CHAMP1: variants seen among roughly 807,000 people sequenced by gnomAD.
CHAMP1 encodes chromosome alignment-maintaining phosphoprotein 1.
A neutral mutation model predicts 54.5 loss-of-function variants in CHAMP1; 4 were observed. The observed-to-expected ratio is 0.07, with a 90% CI of 0.04 to 0.17. CHAMP1 has a LOEUF of 0.17. Ranked by LOEUF, CHAMP1 falls within the 10% of genes least tolerant of loss-of-function variation. CHAMP1 has a pLI of 1.00. For synonymous variants in CHAMP1, 368 were observed against 342.2 expected (o/e 1.08, Z -0.83); for missense variants, 994 against 968.6 (o/e 1.03, Z -0.35).
Position 114,325,118 on chromosome 13 carries a change from C to G in CHAMP1, c.1276C>G (p.Leu426Val), listed in dbSNP as rs1313555784. The G allele has an allele frequency of 6.2e-7, 1 of 1,614,188 alleles. No individual in the cohort carries two copies. The highest frequency in any genetic ancestry group is 1.1e-5 in the South Asian group (1 of 91,084). Residue 426 changes from leucine (L) to valine (V), a missense_variant, in exon 3 of 3, where the codon CTA (leucine) becomes GTA (valine). By Grantham distance (32) the Leu-to-Val change is conservative. This residue lies in a region of CHAMP1 where 851 missense variants were observed against 701.3 expected (regional missense o/e 1.21). Transcript: ENST00000361283. ...SPELRKPGPPLSPEIRSPAGS... is the reference protein window; with the variant it reads ...SPELRKPGPPVSPEIRSPAGS... ...AGAGCTTCGCAAACCCGGCCCACCA[C>G]TATCCCCAGAGATCCGTAGTCCAGC... is the stretch of plus-strand genomic sequence containing the variant.
chr13:114,324,938 T>G lies in CHAMP1; in HGVS notation c.1096T>G (p.Ser366Ala). 6.2e-7 allele frequency: 1 copy of G among 1,614,144 alleles called. No homozygotes were observed. The highest frequency in any genetic ancestry group is 8.5e-7 in the Non-Finnish European group (1 of 1,180,032). The change falls in exon 3 of 3, where the codon TCT becomes GCT. Residue 366 changes from serine (S) to alanine (A), a missense_variant. Ser to Ala is a moderately conservative substitution (Grantham distance 99, BLOSUM62 1). Around this residue, in one of 3 missense-constraint regions of CHAMP1, gnomAD observed 851 missense variants for 701.3 expected, o/e 1.21. Transcript: ENST00000361283. The part of the protein sequence containing the change: ...PGPWKPTPSV[S>A]SASWKSSSVS... ...ACCTTGGAAACCAACTCCATCTGTGTCTTCTGCATCCTGGAAATCTTCATC... is the reference window on the plus strand; with the variant it reads ...ACCTTGGAAACCAACTCCATCTGTGGCTTCTGCATCCTGGAAATCTTCATC...
At chr13:114,315,973 A>G (rs1458262202) in intron 1 of CHAMP1, among the ~76,000 whole-genome samples, 1 of 151,634 alleles carries the variant, frequency 6.6e-6, no homozygotes, top group Non-Finnish European at 1.5e-5. Flanking sequence ...AGTAGCTGGC[A>G]TTACAGGCGC....
intron 1 of CHAMP1, among the ~76,000 whole-genome samples, chr13:114,316,752 A>ATT (rs201616810): frequency 1.5e-3 from 210 of 136,902 alleles, no homozygotes; most frequent in African/African-American, 4.9e-3. Context: ...AGTGCTTTGG[A>ATT]TTTTTTTTTT....
At chr13:114,318,709 T>C (rs12583676) in intron 1 of CHAMP1, among the ~76,000 whole-genome samples, 8,522 of 152,110 alleles carry the variant, frequency 0.056, 306 homozygotes, top group Middle Eastern at 0.13. Flanking sequence ...TAAACTGTGT[T>C]AAGCCACAAT....
At chr13:114,323,371 A>T (rs1555379274) in intron 2 of CHAMP1, 1 of 153,602 alleles carries the variant, frequency 6.5e-6, no homozygotes, top group Non-Finnish European at 1.4e-5. Context: ...AATAGCCAAG[A>T]TTTAATTTTG....
chr13:114,319,362 T>C (rs1203892294), intron 1 of CHAMP1, among the ~76,000 whole-genome samples: 1 of 152,164 alleles, frequency 6.6e-6, no homozygotes, highest in African/African-American at 2.4e-5. Context: ...ATTGAGAGAA[T>C]GTTAGGATTG....
At position 114,326,510 on chromosome 13, in the gene CHAMP1, C is replaced by A; in HGVS notation, c.*229C>A. 2.5e-6 allele frequency: 1 copy of A among 397,556 alleles called. No individual in the cohort carries two copies. Among genetic ancestry groups the A allele is most frequent in the Non-Finnish European group, 4.6e-6 (1 of 218,192 alleles). 24.6% of individuals were successfully genotyped at this position (397,556 alleles called of 1,614,324 possible). A position where few individuals can be genotyped will look rare whatever the true frequency, so the allele number is the denominator to read the frequency against. ...TTCTGTATAGTCCAGATGGATTAAA[C>A]TTCTCATTTCTTTTAAATATGTATG... On this transcript the variant is annotated 3_prime_UTR_variant, in exon 3 of 3. Coordinates refer to ENST00000361283, the MANE Select transcript of CHAMP1 (RefSeq NM_032436.4).
Position 114,326,360 on chromosome 13 carries a change from G to T in CHAMP1, c.*79G>T, listed in dbSNP as rs2087251288. ...TAAGTATAGCTTATCAGATAGCATA[G>T]TTGGATCAGTAGATGACATGTATGG... On this transcript the variant is annotated 3_prime_UTR_variant, in exon 3 of 3. Coordinates refer to ENST00000361283, the MANE Select transcript of CHAMP1 (RefSeq NM_032436.4). The T allele has an allele frequency of 1.1e-5, 16 of 1,449,286 alleles. No individual in the cohort carries two copies. The highest frequency in any genetic ancestry group is 1.5e-5 in the Non-Finnish European group (16 of 1,086,674). The allele number at this position is 1,449,286 out of a possible 1,614,324, so 89.8% of individuals were successfully genotyped here.
intron 1 of CHAMP1, among the ~76,000 whole-genome samples, chr13:114,316,552 T>G (rs1264351601): frequency 6.6e-6 from 1 of 151,372 alleles, no homozygotes; most frequent in Non-Finnish European, 1.5e-5. Flanking sequence ...ATTGCGCCAT[T>G]ACACTCCAGC....
chr13:114,316,460 C>G (rs181438663), intron 1 of CHAMP1, among the ~76,000 whole-genome samples: 6 of 151,530 alleles, frequency 4.0e-5, no homozygotes, highest in South Asian at 4.2e-4. Context: ...TGTGGTGGCG[C>G]GCGCCTGTAG....
At chr13:114,319,185 G>A (rs72661519) in intron 1 of CHAMP1, among the ~76,000 whole-genome samples, 5,657 of 152,130 alleles carry the variant, frequency 0.037, 128 homozygotes, top group South Asian at 0.11. Flanking sequence ...CTGATCATTT[G>A]TCTGATTTGG....
intron 1 of CHAMP1, among the ~76,000 whole-genome samples, chr13:114,318,446 C>T (rs1415002219): frequency 1.3e-5 from 2 of 151,902 alleles, no homozygotes; most frequent in East Asian, 3.9e-4. Context: ...GCCTCAGGCT[C>T]CCGAGTAGCT....
Position 114,323,834 on chromosome 13 carries a change from G to A in CHAMP1, c.-9G>A. The A allele has an allele frequency of 6.3e-7, 1 of 1,578,348 alleles. No individual in the cohort carries two copies. The highest frequency in any genetic ancestry group is 8.6e-7 in the Non-Finnish European group (1 of 1,167,104). On this transcript the variant is annotated 5_prime_UTR_variant, in exon 3 of 3. Transcript: ENST00000361283. ...AATATAACCGTGTGTGTTGGTAACA[G>A]ACAGAAGAATGGAAGCATTCCAGGA...
rs1288624401 is a variant in CHAMP1 at position 114,326,974 on chromosome 13, A to C, written c.*693A>C. 1 of 166,296 alleles carries C rather than the reference A, an allele frequency of 6.0e-6. No individual in the cohort carries two copies. The highest frequency in any genetic ancestry group is 6.6e-5 in the Admixed American group (1 of 15,260). The allele number at this position is 166,296 out of a possible 1,614,324, so 10.3% of individuals were successfully genotyped here. On this transcript the variant is annotated 3_prime_UTR_variant, in exon 3 of 3. Transcript: ENST00000361283. ...AGTGGAGTCTTCCATTCTGTATCTT[A>C]CCCTAAGATCTGGTTCTTCCCTCCC... is the stretch of plus-strand genomic sequence containing the variant.
rs781811558 is a variant in CHAMP1, at chr13:114,325,715, G to C, written c.1873G>C (p.Glu625Gln). ...AAAGAAGCTCAAGAAAGACAACCAA[G>C]AGAGCTCAGACGCTGAGCTTAGTAG... is the stretch of plus-strand genomic sequence containing the variant. ...SSKKLKKDNQ[E>Q]SSDAELSSSE... Residue 625 changes from glutamate (E) to glutamine (Q), a missense_variant, in exon 3 of 3, where the codon GAG becomes CAG. This residue lies in a region of CHAMP1 where 851 missense variants were observed against 701.3 expected (regional missense o/e 1.21). Transcript: ENST00000361283. The C allele has an allele frequency of 4.3e-6, 7 of 1,614,010 alleles. No individual in the cohort carries two copies. Among genetic ancestry groups the C allele is most frequent in the Non-Finnish European group, 5.1e-6 (6 of 1,180,008 alleles).
chr13:114,316,813 T>C (rs1407233924), intron 1 of CHAMP1, among the ~76,000 whole-genome samples: 1 of 151,772 alleles, frequency 6.6e-6, no homozygotes, highest in East Asian at 1.9e-4. Flanking sequence ...TAAACATCCG[T>C]AATCTGAAAT....
chr13:114,318,967 T>A, intron 1 of CHAMP1, among the ~76,000 whole-genome samples: 1 of 148,912 alleles, frequency 6.7e-6, no homozygotes. Context: ...TGGAATAGTG[T>A]ACTCTGCCCA....
In CHAMP1 at chr13:114,325,574, C is replaced by G. The variant is rs781958718; in HGVS notation, c.1732C>G (p.Leu578Val). The G allele has an allele frequency of 2.5e-6, 4 of 1,614,008 alleles. No individual in the cohort carries two copies. The highest frequency in any genetic ancestry group is 1.3e-5 in the African/African-American group (1 of 74,886). The change falls in exon 3 of 3, where the codon CTT becomes GTT. Residue 578 changes from leucine (L) to valine (V), a missense_variant. By Grantham distance (32) the Leu-to-Val change is conservative. This residue lies in a region of CHAMP1 where 851 missense variants were observed against 701.3 expected (regional missense o/e 1.21). Coordinates refer to ENST00000361283, the MANE Select transcript of CHAMP1 (RefSeq NM_032436.4). ...LFSESQKAVE[L>V]GDELQIDAID... ...CTCAGAATCACAGAAGGCTGTTGAGCTTGGTGATGAACTACAAATAGATGC... is the reference window on the plus strand; with the variant it reads ...CTCAGAATCACAGAAGGCTGTTGAGGTTGGTGATGAACTACAAATAGATGC...
rs1555379752 is a variant in CHAMP1 at position 114,325,227 on chromosome 13, C to T, written c.1385C>T (p.Ser462Leu). Residue 462 changes from serine (S) to leucine (L), a missense_variant, in exon 3 of 3, where the codon TCA becomes TTA. Ser to Leu is a moderately radical substitution (Grantham distance 145, BLOSUM62 -2). Transcript: ENST00000361283. ...GATCAGCGGAAAACTTCTCCTGCTT[C>T]ACTTGATTTCCCTGAGTCCCAGAAA... Reference protein sequence around the residue: ...SPDQRKTSPASLDFPESQKSS... With the variant: ...SPDQRKTSPALLDFPESQKSS... The T allele has an allele frequency of 6.2e-7, 1 of 1,614,188 alleles. No individual in the cohort carries two copies. Among genetic ancestry groups the T allele is most frequent in the Admixed American group, 1.7e-5 (1 of 60,018 alleles).
Sources: allele counts gnomAD v4.1 joint callset (sites outside exome capture counted in the v4.1 genomes callset), GRCh38; gene constraint gnomAD v4.1.1; regional missense constraint gnomAD v4.1.1; transcripts MANE v1.5; gene names NCBI Gene and HGNC (gene_info 2026-07-23, HGNC 2026-07-21).